NTN1: variants seen among roughly 807,000 people sequenced by gnomAD.
NTN1 encodes the protein netrin 1.
Under a neutral mutation model 54.2 loss-of-function variants are expected in NTN1, and 11 were observed. That is an observed-to-expected ratio of 0.20 (90% CI 0.13 to 0.34). NTN1 has a LOEUF of 0.34. Ranked by LOEUF, NTN1 falls within the 10% of genes least tolerant of loss-of-function variation. NTN1 has a pLI of 1.00. For synonymous variants in NTN1, 371 were observed against 382.0 expected (o/e 0.97, Z 0.33); for missense variants, 740 against 893.1 (o/e 0.83, Z 2.18).
chr17:9,151,731 A>T (rs1271077983), intron 2 of NTN1, among the ~76,000 whole-genome samples: 1 of 152,194 alleles, frequency 6.6e-6, no homozygotes, highest in Non-Finnish European at 1.5e-5. Flanking sequence ...CTGACCACGG[A>T]GGGTCCCTGT....
chr17:9,060,101 C>T (rs562779214), intron 2 of NTN1, among the ~76,000 whole-genome samples: 8 of 152,210 alleles, frequency 5.3e-5, no homozygotes, highest in African/African-American at 4.8e-5. Flanking sequence ...AGTTGGCCCT[C>T]GAACAACACA....
chr17:9,194,562 G>A (rs986193230), intron 5 of NTN1, among the ~76,000 whole-genome samples: 51 of 152,208 alleles, frequency 3.4e-4, no homozygotes. Flanking sequence ...CTTTGAGGTG[G>A]CAGCTGCCCT....
intron 2 of NTN1, among the ~76,000 whole-genome samples, chr17:9,089,702 G>A (rs1479286652): frequency 6.6e-6 from 1 of 152,024 alleles, no homozygotes; most frequent in Non-Finnish European, 1.5e-5. Context: ...GACTCTCAGG[G>A]CCCTTCTACC....
In NTN1 at chr17:9,221,467, A is replaced by G. The variant is rs888413348; in HGVS notation, c.1486+225A>G. Among the ~76,000 whole-genome samples the G allele has an allele frequency of 3.8e-4, 58 of 151,584 alleles. No individual in the cohort carries two copies. Among genetic ancestry groups the G allele is most frequent in the African/African-American group, 1.1e-3 (47 of 41,228 alleles). Reference sequence around the variant, plus strand: ...CCCAGTGGCCTGGTTTCTCCCCTTCACCCTCCTGAGGCTGGGACACCCAGG... The same window carrying G: ...CCCAGTGGCCTGGTTTCTCCCCTTCGCCCTCCTGAGGCTGGGACACCCAGG... On this transcript the variant is annotated intron_variant, in intron 6 of 6. Coordinates refer to ENST00000173229, the MANE Select transcript of NTN1 (RefSeq NM_004822.3). This position sits in a 1 kb window ranked among gnomAD's most constrained non-coding sequence, Gnocchi z 4.5.
At chr17:9,091,206 A>G (rs1260793627) in intron 2 of NTN1, among the ~76,000 whole-genome samples, 2 of 152,148 alleles carry the variant, frequency 1.3e-5, no homozygotes, top group Non-Finnish European at 2.9e-5. Context: ...TTTTATTATT[A>G]TTTAATTGTG....
At chr17:9,061,309 G>C (rs1038565572) in intron 2 of NTN1, among the ~76,000 whole-genome samples, 1 of 152,132 alleles carries the variant, frequency 6.6e-6, no homozygotes, top group Non-Finnish European at 1.5e-5. Flanking sequence ...TTCTAGGCAG[G>C]TGAGTGGAAT....
At chr17:9,036,794 A>G (rs901696412) in intron 2 of NTN1, among the ~76,000 whole-genome samples, 1 of 152,134 alleles carries the variant, frequency 6.6e-6, no homozygotes, top group Non-Finnish European at 1.5e-5. Context: ...CTGCTCAACC[A>G]GAAGCAGCTC....
chr17:9,055,039 C>T (rs890032844), intron 2 of NTN1, among the ~76,000 whole-genome samples: 3 of 152,064 alleles, frequency 2.0e-5, no homozygotes, highest in Non-Finnish European at 4.4e-5. Context: ...GGTTAAATGG[C>T]GAACAGAGCG....
At chr17:9,110,363 A>G (rs771783522) in intron 2 of NTN1, among the ~76,000 whole-genome samples, 1 of 150,636 alleles carries the variant, frequency 6.6e-6, no homozygotes, top group African/African-American at 2.4e-5. Flanking sequence ...TCTGCCTCCC[A>G]GGTTTAAACA....
chr17:9,072,813 C>T (rs749584024), intron 2 of NTN1, among the ~76,000 whole-genome samples: 2 of 152,190 alleles, frequency 1.3e-5, no homozygotes, highest in Non-Finnish European at 2.9e-5. Flanking sequence ...AACCTTGGCA[C>T]GGAGGCCCCG....
intron 5 of NTN1, among the ~76,000 whole-genome samples, chr17:9,206,786 G>A (rs1312289443): frequency 2.0e-5 from 3 of 152,336 alleles, no homozygotes; most frequent in African/African-American, 7.2e-5. Flanking sequence ...TGTTATTAAA[G>A]TCCAAACAAA....
intron 2 of NTN1, among the ~76,000 whole-genome samples, chr17:9,081,367 A>T (rs2092070555): frequency 6.6e-6 from 1 of 152,122 alleles, no homozygotes; most frequent in South Asian, 2.1e-4. Flanking sequence ...GCCAATGAAG[A>T]TCACCCAGGA....
At chr17:9,060,113 G>A (rs963414485) in intron 2 of NTN1, among the ~76,000 whole-genome samples, 7 of 152,086 alleles carry the variant, frequency 4.6e-5, no homozygotes, top group Non-Finnish European at 8.8e-5. Context: ...AACAACACAG[G>A]CTTGAACGTT....
rs116377233 is a variant in NTN1, at chr17:9,209,249, C to A, written c.1412-11919C>A. ...CCCAGATCATAGGTTGGATGTGAAC[C>A]CTTTCCCTGCAGCCCTGCTCAGTAG... is the stretch of plus-strand genomic sequence containing the variant. On this transcript the variant is annotated intron_variant, in intron 5 of 6. Transcript: ENST00000173229. 4.8e-3 allele frequency among the ~76,000 whole-genome samples: 733 copies of A among 152,314 alleles called. 6 individuals carry two copies. Among genetic ancestry groups the A allele is most frequent in the African/African-American group, 0.017 (697 of 41,556 alleles).
At chr17:9,156,893 C>T (rs771383065) in intron 2 of NTN1, among the ~76,000 whole-genome samples, 5 of 152,132 alleles carry the variant, frequency 3.3e-5, no homozygotes, top group African/African-American at 4.8e-5. Flanking sequence ...TCTACCTGCC[C>T]ACCTACCTAT....
At chr17:9,019,785 C>T (rs192339258), upstream of NTN1, among the ~76,000 whole-genome samples, 22 of 152,358 alleles carry the variant, frequency 1.4e-4, no homozygotes, top group East Asian at 4.0e-3. Flanking sequence ...TTTCACAGGT[C>T]ACCATGGTTA....
rs1905136478 is a variant in NTN1 at position 9,212,663 on chromosome 17, G to A, written c.1412-8505G>A. Among the ~76,000 whole-genome samples the A allele has an allele frequency of 1.3e-5, 2 of 152,202 alleles. No individual in the cohort carries two copies. Among genetic ancestry groups the A allele is most frequent in the African/African-American group, 4.8e-5 (2 of 41,444 alleles). ...CCCCTACGCCCAGCCCTTGGCGTCTGCAACTTACCCAACCCTTCCAGGTTT... is the reference window on the plus strand; with the variant it reads ...CCCCTACGCCCAGCCCTTGGCGTCTACAACTTACCCAACCCTTCCAGGTTT... On this transcript the variant is annotated intron_variant, in intron 5 of 6. Coordinates refer to ENST00000173229, the MANE Select transcript of NTN1 (RefSeq NM_004822.3). The surrounding 1 kb of genome is among the most constrained non-coding windows in gnomAD (Gnocchi z 5.5).
At chr17:9,054,593 A>G (rs1257756852) in intron 2 of NTN1, among the ~76,000 whole-genome samples, 1 of 152,244 alleles carries the variant, frequency 6.6e-6, no homozygotes, top group East Asian at 1.9e-4. Flanking sequence ...GGCAGAAAGA[A>G]AGGAGGAGGG....
intron 2 of NTN1, among the ~76,000 whole-genome samples, chr17:9,137,063 C>T (rs972684361): frequency 6.6e-6 from 1 of 152,196 alleles, no homozygotes; most frequent in Non-Finnish European, 1.5e-5. Flanking sequence ...ATTTCATTTT[C>T]TCCCCTCCTC....
Sources: allele counts gnomAD v4.1 joint callset (sites outside exome capture counted in the v4.1 genomes callset), GRCh38; gene constraint gnomAD v4.1.1; non-coding constraint Gnocchi (gnomAD v3.1); transcripts MANE v1.5; gene names NCBI Gene and HGNC (gene_info 2026-07-23, HGNC 2026-07-21).